PNPLA7: variants seen among roughly 807,000 people sequenced by gnomAD.
PNPLA7 encodes the protein patatin-like phospholipase domain-containing protein 7.
PNPLA7 carries 153 observed loss-of-function variants against 161.7 expected under a neutral mutation model. The observed-to-expected ratio is 0.95, with a 90% CI of 0.83 to 1.08. The LOEUF is 1.08. PNPLA7 is among the 50% of genes least tolerant of loss of function. The pLI, the probability that PNPLA7 is intolerant of heterozygous loss-of-function variation, is 0.00. For missense variants in PNPLA7, 1,739 were observed against 1,856.6 expected (o/e 0.94, Z 1.16); for synonymous variants, 809 against 782.1 (o/e 1.03, Z -0.57).
chr9:137,462,752 T>C lies in PNPLA7; in HGVS notation c.3425A>G (p.Tyr1142Cys), dbSNP rs145096429. ...GSRDETDLTN[Y>C]GDALSGWWLL... ...CCACCACCCAGACAGCGCATCCCCA[T>C]AGTTGGTGAGGTCCGTCTCATCTCG... is the stretch of plus-strand genomic sequence containing the variant. The change falls in exon 30 of 35, where the codon TAT (tyrosine) becomes TGT (cysteine). Residue 1142 changes from tyrosine to cysteine, a missense_variant. Coordinates refer to ENST00000406427, the MANE Select transcript of PNPLA7 (RefSeq NM_001098537.3). The C allele has an allele frequency of 1.4e-5, 23 of 1,613,648 alleles. No individual in the cohort carries two copies. The African/African-American group carries it at 2.4e-4, about 17-fold the overall frequency.
intron 14 of PNPLA7, among the ~76,000 whole-genome samples, chr9:137,504,343 C>G (rs1833799408): frequency 1.3e-5 from 2 of 152,194 alleles, no homozygotes; most frequent in African/African-American, 4.8e-5. Context: ...TCCCAAGTAG[C>G]TGGGATTACA....
chr9:137,504,295 T>C (rs902712236), intron 14 of PNPLA7, among the ~76,000 whole-genome samples: 4 of 152,146 alleles, frequency 2.6e-5, no homozygotes, highest in African/African-American at 9.7e-5. Flanking sequence ...CACTGCAACA[T>C]CCGTCTCCCA....
At chr9:137,517,766 T>C (rs1231005686) in intron 11 of PNPLA7, among the ~76,000 whole-genome samples, 2 of 29,760 alleles carry the variant, frequency 6.7e-5, no homozygotes, top group Admixed American at 2.5e-4. Flanking sequence ...CTCCACTCTG[T>C]CCACTCCATC....
At chr9:137,535,598 C>A (rs1835842240) in intron 8 of PNPLA7, among the ~76,000 whole-genome samples, 1 of 150,566 alleles carries the variant, frequency 6.6e-6, no homozygotes, top group African/African-American at 2.4e-5. Context: ...ACTAAAAATA[C>A]AAAAATTAGC....
At position 137,521,699 on chromosome 9, in the gene PNPLA7, C is replaced by A; in HGVS notation, c.894G>T (p.Leu298=). 1 of 1,611,124 alleles carries A rather than the reference C, an allele frequency of 6.2e-7. No individual in the cohort carries two copies. Among genetic ancestry groups the A allele is most frequent in the Non-Finnish European group, 8.5e-7 (1 of 1,179,790 alleles). Residue 298 remains leucine, a synonymous_variant, in exon 10 of 35, where the codon CTG becomes CTT. Coordinates refer to ENST00000406427, the MANE Select transcript of PNPLA7 (RefSeq NM_001098537.3). The part of the protein sequence containing the change: ...VRVVQIIMVR[L]QRVTFLALHN... Reference sequence around the variant, plus strand: ...GCAGAGCCAGAAAGGTCACCCTCTGCAGCCGCACCATGATGATCTGCAAGA... The same window carrying A: ...GCAGAGCCAGAAAGGTCACCCTCTGAAGCCGCACCATGATGATCTGCAAGA...
chr9:137,515,959 C>T (rs1361194263), intron 11 of PNPLA7, among the ~76,000 whole-genome samples: 1 of 6,916 alleles, frequency 1.4e-4, no homozygotes, highest in African/African-American at 8.2e-4. Flanking sequence ...CCTCAATCCC[C>T]CCTCCCCCAA....
At chr9:137,470,023 T>G (rs935655787) in intron 25 of PNPLA7, among the ~76,000 whole-genome samples, 7 of 152,190 alleles carry the variant, frequency 4.6e-5, no homozygotes, top group African/African-American at 1.7e-4. Flanking sequence ...ATTTAATCTA[T>G]TTATTTTTTA....
intron 8 of PNPLA7, among the ~76,000 whole-genome samples, chr9:137,535,007 T>C (rs1835810626): frequency 6.6e-6 from 1 of 152,220 alleles, no homozygotes; most frequent in Admixed American, 6.5e-5. Flanking sequence ...GAAGTTTTTT[T>C]TGGAACACTA....
intron 22 of PNPLA7, 110 bp downstream of exon 22, chr9:137,480,850 G>T: frequency 1.7e-6 from 2 of 1,183,360 alleles, no homozygotes; most frequent in Non-Finnish European, 2.4e-6. Context: ...ACAGTGTGCT[G>T]GACGAGGAGC....
At chr9:137,489,469 C>T (rs746745251) in intron 20 of PNPLA7, among the ~76,000 whole-genome samples, 1 of 152,046 alleles carries the variant, frequency 6.6e-6, no homozygotes. Context: ...GTGACCAGGC[C>T]ACATCCATGG....
chr9:137,502,831 G>C (rs1352064710), intron 14 of PNPLA7, among the ~76,000 whole-genome samples: 1 of 143,176 alleles, frequency 7.0e-6, no homozygotes, highest in Admixed American at 7.2e-5. Context: ...GCCATTTTAA[G>C]GATTACTGTT....
At chr9:137,502,993 C>T (rs1308190096) in intron 14 of PNPLA7, among the ~76,000 whole-genome samples, 2 of 151,810 alleles carry the variant, frequency 1.3e-5, no homozygotes, top group Non-Finnish European at 2.9e-5. Flanking sequence ...GTGGTGTGAT[C>T]GTTACTGTGA....
At chr9:137,488,508 G>C (rs990942632) in intron 20 of PNPLA7, among the ~76,000 whole-genome samples, 2 of 152,224 alleles carry the variant, frequency 1.3e-5, no homozygotes, top group African/African-American at 4.8e-5. Flanking sequence ...GCTCGAGGCA[G>C]CTCTCGCAAG....
intron 21 of PNPLA7, among the ~76,000 whole-genome samples, chr9:137,483,460 TTTATTTATTTTTGAGATAGAGTCTTG>T (rs1224442997): frequency 6.6e-6 from 1 of 152,216 alleles, no homozygotes; most frequent in Non-Finnish European, 1.5e-5. Context: ...GTAACTTTCA[TTTATTTATTTTTGAGATAGAGTCTTG>T]CTCTGTCACC....
intron 14 of PNPLA7, among the ~76,000 whole-genome samples, chr9:137,504,159 GAAGAA>G (rs1302289466): frequency 6.0e-5 from 8 of 132,986 alleles, no homozygotes; most frequent in Non-Finnish European, 1.2e-4. Flanking sequence ...AAGAAGAAGA[GAAGAA>G]GACGGAAGAA....
At chr9:137,472,529 T>G (rs1229768204) in intron 25 of PNPLA7, among the ~76,000 whole-genome samples, 2 of 150,340 alleles carry the variant, frequency 1.3e-5, no homozygotes, top group African/African-American at 4.9e-5. Flanking sequence ...TAGGTGCCTG[T>G]AATCCCAGCT....
In PNPLA7 at chr9:137,499,540, G is replaced by A. The variant is rs2132275789; in HGVS notation, c.1757+1151C>T. On this transcript the variant is annotated intron_variant, in intron 16 of 34. Coordinates refer to ENST00000406427, the MANE Select transcript of PNPLA7 (RefSeq NM_001098537.3). This position sits in a 1 kb window ranked among gnomAD's most constrained non-coding sequence, Gnocchi z 5.5. ...GCTCCACCCAGGGTCCCCTGCTGGTGGAGGGACCGGGACTTGGAGCCTCAG... is the reference window on the plus strand; with the variant it reads ...GCTCCACCCAGGGTCCCCTGCTGGTAGAGGGACCGGGACTTGGAGCCTCAG... 6.6e-6 allele frequency among the ~76,000 whole-genome samples: 1 copy of A among 152,340 alleles called. No homozygotes were observed. Among genetic ancestry groups the A allele is most frequent in the South Asian group, 2.1e-4 (1 of 4,832 alleles).
intron 18 of PNPLA7, among the ~76,000 whole-genome samples, chr9:137,496,728 C>T (rs1833079408): frequency 6.6e-6 from 1 of 152,114 alleles, no homozygotes; most frequent in African/African-American, 2.4e-5. Flanking sequence ...CAAAACAAAA[C>T]AAAACAAAAC....
chr9:137,478,335 CCA>C, intron 24 of PNPLA7, 183 bp from the exon 25 acceptor site: 1 of 421,800 alleles, frequency 2.4e-6, no homozygotes, highest in Non-Finnish European at 4.0e-6. Context: ...GGACCGGGCC[CCA>C]GAGACAGCTC....
Sources: gnomAD v4.1 joint callset for allele counts (sites outside exome capture counted in the v4.1 genomes callset) on GRCh38, gnomAD v4.1.1 for gene constraint, Gnocchi (gnomAD v3.1) non-coding constraint, MANE v1.5 for transcripts, NCBI Gene and HGNC (gene_info 2026-07-23, HGNC 2026-07-21) for gene names.